Variants in SNX7 observed in about 807,000 individuals in gnomAD.
SNX7 encodes the protein sorting nexin 7.
Under a neutral mutation model 48.4 loss-of-function variants are expected in SNX7, and 35 were observed. The ratio of observed to expected loss-of-function variants is 0.72; its 90% CI spans 0.55 to 0.96. The LOEUF is 0.96. Among genes scored for constraint, SNX7 ranks in the 40% least tolerant of loss-of-function variants. The pLI is 0.00. For missense variants in SNX7, 553 were observed against 548.9 expected, an observed-to-expected ratio of 1.01 and a Z score of -0.07; for synonymous variants, 190 against 190.2, an observed-to-expected ratio of 1.00 and a Z score of 0.01.
At chr1:98,680,303 G>T (rs971180533) in intron 1 of SNX7, among the ~76,000 whole-genome samples, 1 of 152,112 alleles carries the variant, frequency 6.6e-6, no homozygotes, top group Non-Finnish European at 1.5e-5. Context: ...CACACAGTAT[G>T]GGGACCCTGA....
intron 8 of SNX7, among the ~76,000 whole-genome samples, chr1:98,753,640 T>C (rs1654692956): frequency 6.6e-6 from 1 of 152,082 alleles, no homozygotes. Flanking sequence ...AAGTAGTAAT[T>C]GCTTTGGGGC....
rs577493104 is a variant in SNX7 at position 98,699,670 on chromosome 1, TGATTTCTAGA to T, written c.1038+773_1038+782del. ...CATGGTTTCTTTGGACATGTACCCT[TGATTTCTAGA>T]GATTTCTTTCAATTTTTTTCTTTTT... On this transcript the variant is annotated intron_variant, in intron 6 of 8. Transcript: ENST00000306121. 1.5e-3 allele frequency among the ~76,000 whole-genome samples: 222 copies of T among 152,288 alleles called. 1 individual carries two copies. Among genetic ancestry groups the T allele is most frequent in the African/African-American group, 5.2e-3 (216 of 41,572 alleles).
intron 8 of SNX7, among the ~76,000 whole-genome samples, chr1:98,739,170 T>C (rs572960581): frequency 6.6e-6 from 1 of 152,188 alleles, no homozygotes; most frequent in Non-Finnish European, 1.5e-5. Context: ...ATCCCTTACA[T>C]GCGCAGTTCA....
chr1:98,698,878 G>A lies in SNX7; in HGVS notation c.1011G>A (p.Glu337=), dbSNP rs6577322. 0.28 allele frequency: 449,846 copies of A among 1,613,140 alleles called. 65,441 individuals carry two copies. Among genetic ancestry groups the A allele is most frequent in the South Asian group, 0.33 (29,907 of 91,056 alleles). ...LSEALLPVVH[E]YVLYSEMLMG... ...AGGCCCTGCTTCCTGTTGTACATGA[G>A]TACGTGCTTTATAGTGAAATGTTAA... The change falls in exon 6 of 9, where the codon GAG becomes GAA. Residue 337 remains glutamate (E), a synonymous_variant. Coordinates refer to ENST00000306121, the MANE Select transcript of SNX7 (RefSeq NM_015976.5).
chr1:98,699,826 A>C (rs1047451846), intron 6 of SNX7, among the ~76,000 whole-genome samples: 2 of 152,184 alleles, frequency 1.3e-5, no homozygotes, highest in Admixed American at 1.3e-4. Flanking sequence ...TTGCACAGAC[A>C]TTTCAGGCTT....
At chr1:98,710,212 A>G (rs1416882237) in intron 7 of SNX7, among the ~76,000 whole-genome samples, 5 of 152,300 alleles carry the variant, frequency 3.3e-5, no homozygotes, top group African/African-American at 1.2e-4. Context: ...AATTTTACCA[A>G]TGAAATTTGC....
At chr1:98,697,659 G>A in intron 5 of SNX7, among the ~76,000 whole-genome samples, 1 of 152,048 alleles carries the variant, frequency 6.6e-6, no homozygotes, top group South Asian at 2.1e-4. Flanking sequence ...TACATATAAG[G>A]GTTTGAGATA....
chr1:98,685,176 T>G, intron 2 of SNX7, 109 bp downstream of exon 2: 2 of 685,128 alleles, frequency 2.9e-6, no homozygotes, highest in South Asian at 5.5e-5. Flanking sequence ...CTTAGCTGAA[T>G]TGACTTTTAC....
Position 98,672,650 on chromosome 1 carries a change from C to T in SNX7, c.180+10739C>T, listed in dbSNP as rs151303048. The stretch of plus-strand genomic sequence containing the variant: ...GTAAGAAATTATTCAAGTGGCCGGG[C>T]GCGGTGGCTCACGCCTGTAATCCCA... On this transcript the variant is annotated intron_variant, in intron 1 of 8. Coordinates refer to ENST00000306121, the MANE Select transcript of SNX7 (RefSeq NM_015976.5). 8.4e-4 allele frequency among the ~76,000 whole-genome samples: 127 copies of T among 151,934 alleles called. 2 individuals carry two copies. In the East Asian group the frequency reaches 0.023, roughly 27 times the overall value.
chr1:98,706,558 T>C (rs915280349), intron 7 of SNX7, among the ~76,000 whole-genome samples: 2 of 152,116 alleles, frequency 1.3e-5, no homozygotes, highest in African/African-American at 4.8e-5. Context: ...AGTAACATAA[T>C]CATATTTAAG....
intron 7 of SNX7, among the ~76,000 whole-genome samples, chr1:98,727,533 A>G (rs1307881504): frequency 6.6e-6 from 1 of 152,164 alleles, no homozygotes; most frequent in Non-Finnish European, 1.5e-5. Context: ...AGACGGATGA[A>G]CTGACAGAAG....
intron 7 of SNX7, among the ~76,000 whole-genome samples, chr1:98,728,776 A>G (rs112663965): frequency 6.6e-6 from 1 of 152,286 alleles, no homozygotes; most frequent in African/African-American, 2.4e-5. Context: ...CAAATACGGG[A>G]GCATCCAGAC....
intron 1 of SNX7, among the ~76,000 whole-genome samples, chr1:98,674,921 C>G (rs1259979857): frequency 6.6e-6 from 1 of 152,188 alleles, no homozygotes; most frequent in Non-Finnish European, 1.5e-5. Context: ...TGCATTTTCA[C>G]TGTTCTAGCT....
chr1:98,748,762 G>T (rs1037963337), intron 8 of SNX7, among the ~76,000 whole-genome samples: 2 of 151,648 alleles, frequency 1.3e-5, no homozygotes, highest in African/African-American at 4.8e-5. Context: ...TAATTATAAA[G>T]TCCTAATCAT....
chr1:98,684,853 T>C (rs1455812707), intron 1 of SNX7, 32 bp from the exon 2 acceptor site: 4 of 1,410,924 alleles, frequency 2.8e-6, no homozygotes, highest in Admixed American at 4.8e-5. Flanking sequence ...ATTTTTCTAT[T>C]GATACTAATT....
intron 1 of SNX7, among the ~76,000 whole-genome samples, chr1:98,674,494 G>A (rs1162041562): frequency 6.6e-6 from 1 of 152,116 alleles, no homozygotes; most frequent in Non-Finnish European, 1.5e-5. Context: ...TTTATAGAAA[G>A]ATAGCAGTCG....
chr1:98,674,283 T>C (rs1650035591), intron 1 of SNX7, among the ~76,000 whole-genome samples: 1 of 152,194 alleles, frequency 6.6e-6, no homozygotes, highest in Non-Finnish European at 1.5e-5. Context: ...CTGAGTGTCT[T>C]ACATAACAGA....
chr1:98,739,045 G>C (rs1653937357), intron 8 of SNX7, among the ~76,000 whole-genome samples: 1 of 152,104 alleles, frequency 6.6e-6, no homozygotes, highest in African/African-American at 2.4e-5. Context: ...CCAGGGACAG[G>C]TTTCATGGAA....
At chr1:98,672,629 GA>G (rs1649930723) in intron 1 of SNX7, among the ~76,000 whole-genome samples, 3 of 151,874 alleles carry the variant, frequency 2.0e-5, no homozygotes, top group Admixed American at 2.0e-4. Flanking sequence ...TACTAAGTAA[GA>G]AATTATTCAA....
Sources: gnomAD v4.1 joint callset for allele counts (sites outside exome capture counted in the v4.1 genomes callset) on GRCh38, gnomAD v4.1.1 for gene constraint, MANE v1.5 for transcripts, NCBI Gene and HGNC (gene_info 2026-07-23, HGNC 2026-07-21) for gene names.